Variants in CIMIP2A observed in about 807,000 individuals in gnomAD.
The protein encoded by CIMIP2A is family with sequence similarity 166 member A.
At chr9:137,243,863 G>C in the CIMIP2A span, 4 of 1,501,806 alleles carry the variant, frequency 2.7e-6, no homozygotes, top group East Asian at 2.3e-5. Context: ...CCAGGCTTCA[G>C]AGAAGTGTGG....
At chr9:137,251,595 G>A in the CIMIP2A span, 1 of 1,140,192 alleles carries the variant, frequency 8.8e-7, no homozygotes, top group South Asian at 1.5e-5. Flanking sequence ...GCGGCCAGGG[G>A]CTGAGGGACA....
At chr9:137,253,098 G>A in the CIMIP2A span, 1 of 1,549,720 alleles carries the variant, frequency 6.5e-7, no homozygotes. Flanking sequence ...GGGGCTCCCA[G>A]CCTTCTCTTT....
the CIMIP2A span, chr9:137,251,874 A>C: frequency 1.2e-6 from 2 of 1,608,478 alleles, no homozygotes; most frequent in Non-Finnish European, 8.5e-7. Context: ...GCCCACCTAC[A>C]CCCAGACCCT....
the CIMIP2A span, chr9:137,244,357 T>G: frequency 1.9e-6 from 3 of 1,605,622 alleles, no homozygotes; most frequent in South Asian, 1.1e-5. Flanking sequence ...GTTGTCCCAG[T>G]GGGGGCCTGG....
the CIMIP2A span, among the ~76,000 whole-genome samples, chr9:137,247,139 G>T: frequency 6.6e-6 from 1 of 152,152 alleles, no homozygotes; most frequent in Non-Finnish European, 1.5e-5. Flanking sequence ...TACAAAATTA[G>T]CCAGGTGTGG....
At chr9:137,245,333 C>T in the CIMIP2A span, 2 of 1,596,670 alleles carry the variant, frequency 1.3e-6, no homozygotes, top group South Asian at 1.1e-5. Context: ...GCCTCGCAAA[C>T]AGGAGTGGCG....
At chr9:137,245,597 G>A in the CIMIP2A span, 19 of 1,613,412 alleles carry the variant, frequency 1.2e-5, no homozygotes, top group Non-Finnish European at 1.4e-5. Flanking sequence ...GGGACAGGCA[G>A]GCGGGCACAG....
the CIMIP2A span, chr9:137,243,920 T>C: frequency 9.2e-7 from 1 of 1,088,104 alleles, no homozygotes; most frequent in Admixed American, 1.9e-5. Flanking sequence ...ACTTGCTTGT[T>C]GAAGGCAGGC....
the CIMIP2A span, chr9:137,245,569 G>A: frequency 3.7e-6 from 6 of 1,613,756 alleles, no homozygotes; most frequent in Non-Finnish European, 5.1e-6. Flanking sequence ...TGTACCAACA[G>A]GGCAGCCTGT....
At chr9:137,243,620 C>T in the CIMIP2A span, 235 of 1,612,662 alleles carry the variant, frequency 1.5e-4, no homozygotes, top group Non-Finnish European at 1.9e-4. Flanking sequence ...CCAGCCTGTC[C>T]TGTGGCCTGT....
At chr9:137,245,622 G>A in the CIMIP2A span, 1 of 1,610,928 alleles carries the variant, frequency 6.2e-7, no homozygotes, top group Middle Eastern at 1.7e-4. Flanking sequence ...GTGCAGGGCT[G>A]GGGACTGGCA....
the CIMIP2A span, chr9:137,245,089 C>T: frequency 1.9e-6 from 3 of 1,610,250 alleles, no homozygotes; most frequent in African/African-American, 2.7e-5. Flanking sequence ...CCACACCCAC[C>T]TGAGATGGCC....
chr9:137,247,288 AAAAT>A, the CIMIP2A span, among the ~76,000 whole-genome samples: 6 of 152,240 alleles, frequency 3.9e-5, no homozygotes, highest in African/African-American at 9.6e-5. Context: ...TCTGTCTCAA[AAAAT>A]AAATAAATAA....
chr9:137,244,206 T>G, the CIMIP2A span: 1 of 1,613,932 alleles, frequency 6.2e-7, no homozygotes, highest in Admixed American at 1.7e-5. Flanking sequence ...GATCAGGCCT[T>G]GGCTGCTGTA....
the CIMIP2A span, chr9:137,251,137 G>T: frequency 1.5e-6 from 1 of 675,120 alleles, no homozygotes; most frequent in Non-Finnish European, 2.7e-6. Context: ...TCTAGTTAGT[G>T]GGGGAGGGGC....
At chr9:137,244,804 C>A in the CIMIP2A span, 4 of 1,585,810 alleles carry the variant, frequency 2.5e-6, no homozygotes, top group Non-Finnish European at 3.4e-6. Context: ...ACCCACCTGC[C>A]CTCAGACGTG....
At chr9:137,244,452 A>G in the CIMIP2A span, 6 of 1,505,978 alleles carry the variant, frequency 4.0e-6, no homozygotes, top group South Asian at 5.3e-5. Flanking sequence ...ACTTGAGTGC[A>G]GGGATCCAAG....
chr9:137,251,570 G>A, the CIMIP2A span, among the ~76,000 whole-genome samples: 2 of 151,702 alleles, frequency 1.3e-5, no homozygotes, highest in East Asian at 1.9e-4. Context: ...CAGTAGAGGG[G>A]ACAGGCGGCT....
the CIMIP2A span, chr9:137,251,446 G>A: frequency 1.4e-6 from 2 of 1,395,034 alleles, no homozygotes; most frequent in Non-Finnish European, 2.0e-6. Context: ...GAGTGGCCAG[G>A]GGGCTGAGGG....
Sources: gnomAD v4.1 joint callset for allele counts (sites outside exome capture counted in the v4.1 genomes callset) on GRCh38, gnomAD v4.1.1 for gene constraint, MANE v1.5 for transcripts, NCBI Gene and HGNC (gene_info 2026-07-23, HGNC 2026-07-21) for gene names.